SP110: variants seen among roughly 807,000 people sequenced by gnomAD.
The protein encoded by SP110 is SP110 nuclear body protein.
A neutral mutation model predicts 92.7 loss-of-function variants in SP110; 62 were observed. The observed-to-expected ratio is 0.67, with a 90% CI of 0.55 to 0.83. SP110 has a LOEUF of 0.83. Ranked by LOEUF, SP110 falls within the 40% of genes least tolerant of loss-of-function variation. SP110 has a pLI of 0.00. For synonymous variants in SP110, 273 were observed against 305.3 expected, an observed-to-expected ratio of 0.89 and a Z score of 1.10; for missense variants, 793 against 863.9, an observed-to-expected ratio of 0.92 and a Z score of 1.03.
chr2:230,220,235 G>C, upstream of SP110: 1 of 185,010 alleles, frequency 5.4e-6, no homozygotes, highest in Non-Finnish European at 1.0e-5. Context: ...GCGGCAATAG[G>C]AACTGGGAAC....
intron 12 of SP110, among the ~76,000 whole-genome samples, chr2:230,182,692 T>C (rs2042181587): frequency 6.6e-6 from 1 of 152,120 alleles, no homozygotes; most frequent in African/African-American, 2.4e-5. Context: ...TGACATCCTG[T>C]GTCTTGAGCT....
chr2:230,204,262 A>G (rs1178373812), intron 8 of SP110, among the ~76,000 whole-genome samples: 1 of 152,164 alleles, frequency 6.6e-6, no homozygotes, highest in East Asian at 1.9e-4. Flanking sequence ...CTCTCTAACA[A>G]AGTCACTTCT....
At chr2:230,197,846 T>C (rs934243323) in intron 10 of SP110, among the ~76,000 whole-genome samples, 2 of 152,102 alleles carry the variant, frequency 1.3e-5, no homozygotes, top group Admixed American at 1.3e-4. Context: ...TGAGACAGGG[T>C]CTTACTACAT....
chr2:230,223,567 A>C (rs2045991474), upstream of SP110, among the ~76,000 whole-genome samples: 1 of 152,202 alleles, frequency 6.6e-6, no homozygotes. Context: ...TGACTGATAA[A>C]AATGTTGGGC....
intron 10 of SP110, among the ~76,000 whole-genome samples, chr2:230,199,148 A>ATTTT (rs113583785): frequency 2.2e-5 from 3 of 139,114 alleles, no homozygotes; most frequent in African/African-American, 8.4e-5. Flanking sequence ...TATTATTATT[A>ATTTT]TTTTTTTTTT....
At chr2:230,202,539 A>T (rs189972804) in intron 9 of SP110, 40 bp downstream of exon 9, 1 of 1,607,758 alleles carries the variant, frequency 6.2e-7, no homozygotes, top group Non-Finnish European at 8.5e-7. Context: ...ACCCTCCCAC[A>T]CTGAGCCATT....
At chr2:230,199,872 T>C (rs987298207) in intron 10 of SP110, among the ~76,000 whole-genome samples, 5 of 152,182 alleles carry the variant, frequency 3.3e-5, no homozygotes, top group African/African-American at 7.2e-5. Context: ...TTCCTTTCTA[T>C]GGAGAACGAT....
chr2:230,185,910 T>G, intron 11 of SP110, 84 bp downstream of exon 11: 1 of 1,175,294 alleles, frequency 8.5e-7, no homozygotes, highest in Non-Finnish European at 1.3e-6. Context: ...CTATTGACTT[T>G]ACATATCTAT....
Position 230,208,057 on chromosome 2 carries a change from T to C in SP110, c.832A>G (p.Lys278Glu). 1 of 1,505,846 alleles carries C rather than the reference T, an allele frequency of 6.6e-7. No individual in the cohort carries two copies. The highest frequency in any genetic ancestry group is 9.2e-7 in the Non-Finnish European group (1 of 1,084,128). The allele number at this position is 1,505,846 out of a possible 1,614,324, so 93.3% of individuals were successfully genotyped here. ...VSSTPSDKKG[K>E]KRKRCIWSTP... is the part of the protein sequence containing the mutation. ...GACCAGATACATCTTTTTCTTTTCT[T>C]TCCTAAAAAGAAAGGATAATGTTTT... Residue 278 changes from lysine to glutamate, a missense_variant and splice_region_variant, in exon 8 of 19, where the codon AAG (lysine) becomes GAG (glutamate). Coordinates refer to ENST00000258381, the MANE Select transcript of SP110 (RefSeq NM_080424.4).
chr2:230,169,609 C>T, intron 18 of SP110, among the ~76,000 whole-genome samples: 1 of 152,168 alleles, frequency 6.6e-6, no homozygotes, highest in East Asian at 1.9e-4. Context: ...AGATGTGAGT[C>T]ACCATGCCCA....
chr2:230,169,491 T>A (rs1471400969), intron 18 of SP110, among the ~76,000 whole-genome samples: 1 of 148,910 alleles, frequency 6.7e-6, no homozygotes, highest in Non-Finnish European at 1.5e-5. Flanking sequence ...CATTTTTTTC[T>A]CTTTCAGAGA....
chr2:230,219,807 G>T, intron 1 of SP110, 67 bp downstream of exon 1: 3 of 561,198 alleles, frequency 5.3e-6, no homozygotes, highest in Non-Finnish European at 4.5e-6. Flanking sequence ...AGCTGCTGCC[G>T]CGAAGTTAAC....
At chr2:230,169,923 C>T (rs2078388833) in intron 18 of SP110, among the ~76,000 whole-genome samples, 1 of 152,136 alleles carries the variant, frequency 6.6e-6, no homozygotes, top group Admixed American at 6.5e-5. Context: ...CCCTGCAGCT[C>T]CATGAATGGG....
At chr2:230,184,237 C>G (rs956307310) in intron 11 of SP110, among the ~76,000 whole-genome samples, 6 of 152,144 alleles carry the variant, frequency 3.9e-5, no homozygotes, top group Non-Finnish European at 8.8e-5. Context: ...CTTCAGGTAA[C>G]TGAAATCATG....
chr2:230,170,943 G>T, intron 17 of SP110, 182 bp from the exon 18 acceptor site: 1 of 657,812 alleles, frequency 1.5e-6, no homozygotes, highest in Non-Finnish European at 2.7e-6. Context: ...ATATGAATAT[G>T]TAATCTCCAC....
At position 230,172,106 on chromosome 2, in the gene SP110, G is replaced by A. The variant is rs751884089; in HGVS notation, c.1775C>T (p.Ser592Phe). ...SSGSQQCHHVSKTLERQMQPQ... is the reference protein window; with the variant it reads ...SSGSQQCHHVFKTLERQMQPQ... ...CTGCATCTGCCTCTCCAGGGTCTTA[G>A]ATACATGATGGCACTGTTGGCTTCC... is the stretch of plus-strand genomic sequence containing the variant. The change falls in exon 16 of 19, where the codon TCT becomes TTT. Residue 592 changes from serine (S) to phenylalanine (F), a missense_variant. Coordinates refer to ENST00000258381, the MANE Select transcript of SP110 (RefSeq NM_080424.4). 1.2e-5 allele frequency: 19 copies of A among 1,613,262 alleles called. No homozygotes were observed. The highest frequency in any genetic ancestry group is 1.6e-5 in the Non-Finnish European group (19 of 1,179,244).
intron 12 of SP110, among the ~76,000 whole-genome samples, chr2:230,179,016 T>C (rs1419267013): frequency 6.6e-6 from 1 of 152,204 alleles, no homozygotes; most frequent in East Asian, 1.9e-4. Context: ...ATGTCTTATG[T>C]TGAGTTACAG....
chr2:230,219,803 T>C, intron 1 of SP110, 71 bp downstream of exon 1: 2 of 503,958 alleles, frequency 4.0e-6, no homozygotes, highest in Non-Finnish European at 5.1e-6. Context: ...CTGCAGCTGC[T>C]GCCGCGAAGT....
intron 14 of SP110, chr2:230,177,238 G>A: frequency 4.7e-6 from 2 of 424,316 alleles, no homozygotes; most frequent in Non-Finnish European, 8.7e-6. Context: ...CAGGGGAGTG[G>A]TTGCAGGCAT....
Sources: gnomAD v4.1 joint callset for allele counts (sites outside exome capture counted in the v4.1 genomes callset) on GRCh38, gnomAD v4.1.1 for gene constraint, MANE v1.5 for transcripts, NCBI Gene and HGNC (gene_info 2026-07-23, HGNC 2026-07-21) for gene names.